Variants in CNTN4 observed in about 807,000 individuals in gnomAD.
CNTN4 encodes contactin-4.
CNTN4 carries 77 observed loss-of-function variants against 122.5 expected under a neutral mutation model. The observed-to-expected ratio is 0.63, with a 90% CI of 0.52 to 0.76. The LOEUF (loss-of-function observed/expected upper bound fraction) is 0.76. Among genes scored for constraint, CNTN4 ranks in the 30% least tolerant of loss-of-function variants. The pLI is 0.00. For synonymous variants in CNTN4, 512 were observed against 447.0 expected (o/e 1.15, Z -1.83); for missense variants, 1,256 against 1,259.1 (o/e 1.00, Z 0.04).
At chr3:2,860,329 T>C (rs898319036) in intron 7 of CNTN4, among the ~76,000 whole-genome samples, 3 of 152,168 alleles carry the variant, frequency 2.0e-5, no homozygotes, top group Admixed American at 2.0e-4. Context: ...ATGTTAGCCA[T>C]GGGTGTAGGA....
intron 3 of CNTN4, among the ~76,000 whole-genome samples, chr3:2,342,921 A>G (rs2044262229): frequency 6.6e-6 from 1 of 152,230 alleles, no homozygotes; most frequent in South Asian, 2.1e-4. Flanking sequence ...CCAGAAACTA[A>G]GGAGAGATGC....
chr3:3,006,702 C>T (rs892100953), intron 14 of CNTN4, among the ~76,000 whole-genome samples: 1 of 152,186 alleles, frequency 6.6e-6, no homozygotes, highest in Non-Finnish European at 1.5e-5. Flanking sequence ...GTGAAAGGGA[C>T]ATGGGCTTTG....
chr3:2,632,085 C>CACACGT (rs1553597783), intron 4 of CNTN4, among the ~76,000 whole-genome samples: 3 of 150,140 alleles, frequency 2.0e-5, no homozygotes, highest in Non-Finnish European at 3.0e-5. Context: ...CACACACACA[C>CACACGT]GTGTGTGTAT....
intron 6 of CNTN4, among the ~76,000 whole-genome samples, chr3:2,806,835 G>T (rs2092478843): frequency 6.6e-6 from 1 of 152,112 alleles, no homozygotes; most frequent in East Asian, 1.9e-4. Context: ...TTGGCAAAGG[G>T]GGGAGTGATT....
intron 2 of CNTN4, among the ~76,000 whole-genome samples, chr3:2,227,560 ATCT>A (rs915397843): frequency 4.6e-5 from 7 of 152,166 alleles, no homozygotes; most frequent in African/African-American, 1.4e-4. Context: ...AATCAGATTC[ATCT>A]TCTCTCTCTC....
chr3:2,524,019 A>G (rs1470225992), intron 3 of CNTN4, among the ~76,000 whole-genome samples: 1 of 152,132 alleles, frequency 6.6e-6, no homozygotes, highest in Non-Finnish European at 1.5e-5. Flanking sequence ...ATGTCATACA[A>G]CTAACACATT....
chr3:2,662,245 A>G (rs75290261), intron 4 of CNTN4, among the ~76,000 whole-genome samples: 14,325 of 152,252 alleles, frequency 0.094, 921 homozygotes, highest in South Asian at 0.26. Flanking sequence ...GAAGAGTAGT[A>G]CTGACTGCTA....
intron 4 of CNTN4, among the ~76,000 whole-genome samples, chr3:2,664,080 TTTGA>T (rs2150316068): frequency 6.6e-6 from 1 of 152,288 alleles, no homozygotes; most frequent in African/African-American, 2.4e-5. Flanking sequence ...ATATTGTAAA[TTTGA>T]TTGTGATGAT....
At chr3:2,554,498 T>C (rs2078641100) in intron 3 of CNTN4, among the ~76,000 whole-genome samples, 1 of 152,102 alleles carries the variant, frequency 6.6e-6, no homozygotes, top group Non-Finnish European at 1.5e-5. Context: ...CAGCTGATTT[T>C]GTTATACCCA....
intron 3 of CNTN4, among the ~76,000 whole-genome samples, chr3:2,398,550 G>A (rs1393167194): frequency 6.6e-6 from 1 of 152,120 alleles, no homozygotes; most frequent in Admixed American, 6.6e-5. Context: ...CTATGTAGAA[G>A]TAAGTTTACT....
At position 3,000,280 on chromosome 3, in the gene CNTN4, C is replaced by G. The variant is rs1024815257; in HGVS notation, c.1486+11808C>G. Among the ~76,000 whole-genome samples the G allele has an allele frequency of 5.0e-4, 76 of 150,872 alleles. 2 individuals carry two copies. Among genetic ancestry groups the G allele is most frequent in the Non-Finnish European group, 1.6e-4 (11 of 67,892 alleles). On this transcript the variant is annotated intron_variant, in intron 14 of 24. Coordinates refer to ENST00000418658, the MANE Select transcript of CNTN4 (RefSeq NM_175607.3). ...TAAAAATACAACTGGAAGAGGATTG[C>G]TTTTAAGATAGACATTAAAATTTGA...
chr3:3,026,952 T>G (rs1200184171), intron 15 of CNTN4, among the ~76,000 whole-genome samples: 2 of 152,134 alleles, frequency 1.3e-5, no homozygotes, highest in Non-Finnish European at 1.5e-5. Flanking sequence ...ACCTCTGTGA[T>G]CCCATTGACA....
intron 4 of CNTN4, among the ~76,000 whole-genome samples, chr3:2,579,956 C>T (rs1338826457): frequency 6.6e-6 from 1 of 152,004 alleles, no homozygotes; most frequent in African/African-American, 2.4e-5. Context: ...GGGTTTACAG[C>T]ACATCTGGAC....
chr3:2,695,570 C>T (rs1389489895), intron 4 of CNTN4, among the ~76,000 whole-genome samples: 2 of 152,146 alleles, frequency 1.3e-5, no homozygotes, highest in African/African-American at 4.8e-5. Flanking sequence ...TATTCTGTAA[C>T]AGGTTTTGTG....
At chr3:2,980,323 T>C (rs1693841159) in intron 13 of CNTN4, among the ~76,000 whole-genome samples, 1 of 152,050 alleles carries the variant, frequency 6.6e-6, no homozygotes, top group African/African-American at 2.4e-5. Flanking sequence ...CACCTTTGGC[T>C]TTTCTCTGTT....
chr3:2,701,818 T>C (rs1168580076), intron 4 of CNTN4, among the ~76,000 whole-genome samples: 1 of 152,192 alleles, frequency 6.6e-6, no homozygotes, highest in Admixed American at 6.5e-5. Flanking sequence ...GTAATTGCAG[T>C]TTTTGCCATT....
chr3:2,350,037 G>C (rs1327528950), intron 3 of CNTN4, among the ~76,000 whole-genome samples: 1 of 152,106 alleles, frequency 6.6e-6, no homozygotes, highest in Non-Finnish European at 1.5e-5. Context: ...AAGTGAGACA[G>C]GCGCTTGTCT....
rs1400511134 is a variant in CNTN4, at chr3:2,746,030, A to C, written c.358+333A>C. Reference sequence around the variant, plus strand: ...AACAACAAATTTGACACCCACACACACCCACACACACACATTTTAAATAGA... The same window carrying C: ...AACAACAAATTTGACACCCACACACCCCCACACACACACATTTTAAATAGA... On this transcript the variant is annotated intron_variant, in intron 6 of 24. Transcript: ENST00000418658. Among the ~76,000 whole-genome samples, 10 of 146,404 alleles carry C rather than the reference A, an allele frequency of 6.8e-5. No individual in the cohort carries two copies. The South Asian group carries it at 8.7e-4, about 13-fold the overall frequency.
At chr3:2,169,631 T>C (rs952907746) in intron 2 of CNTN4, among the ~76,000 whole-genome samples, 7 of 151,536 alleles carry the variant, frequency 4.6e-5, no homozygotes, top group South Asian at 2.1e-4. Flanking sequence ...TCTCCTGACC[T>C]CGTGATCCAC....
Sources: gnomAD v4.1 joint callset for allele counts (sites outside exome capture counted in the v4.1 genomes callset) on GRCh38, gnomAD v4.1.1 for gene constraint, MANE v1.5 for transcripts, NCBI Gene and HGNC (gene_info 2026-07-23, HGNC 2026-07-21) for gene names.